ARFGEF3: variants seen among roughly 807,000 people sequenced by gnomAD.
The protein encoded by ARFGEF3 is brefeldin A-inhibited guanine nucleotide-exchange protein 3.
A neutral mutation model predicts 221.7 loss-of-function variants in ARFGEF3; 96 were observed. The observed-to-expected ratio is 0.43, with a 90% CI of 0.37 to 0.51. The LOEUF (loss-of-function observed/expected upper bound fraction) is 0.51. Among genes scored for constraint, ARFGEF3 ranks in the 20% least tolerant of loss-of-function variants. The pLI, the probability that ARFGEF3 is intolerant of heterozygous loss-of-function variation, is 0.00. For missense variants in ARFGEF3, 2,410 were observed against 2,789.9 expected (o/e 0.86, Z 3.07); for synonymous variants, 1,145 against 1,126.8 (o/e 1.02, Z -0.32).
chr6:138,220,373 A>G (rs1777962024), intron 4 of ARFGEF3, among the ~76,000 whole-genome samples: 1 of 152,190 alleles, frequency 6.6e-6, no homozygotes, highest in Non-Finnish European at 1.5e-5. Context: ...ATATATATGT[A>G]GTCCTTTAAG....
chr6:138,215,841 G>GGTGTGTGTGTGT, intron 4 of ARFGEF3: 1 of 121,202 alleles, frequency 8.3e-6, no homozygotes, highest in South Asian at 3.2e-4. Context: ...TAATCGGTCT[G>GGTGTGTGTGTGT]GTGTGTGTGT....
chr6:138,309,836 G>T (rs1289772026), intron 24 of ARFGEF3, among the ~76,000 whole-genome samples: 1 of 152,168 alleles, frequency 6.6e-6, no homozygotes, highest in African/African-American at 2.4e-5. Context: ...TCTGCCTTTT[G>T]TTCTCCTGGG....
At chr6:138,187,170 C>T in intron 2 of ARFGEF3, among the ~76,000 whole-genome samples, 1 of 152,196 alleles carries the variant, frequency 6.6e-6, no homozygotes, top group East Asian at 1.9e-4. Flanking sequence ...CTGCCTCGGC[C>T]TCCCAAAATG....
intron 6 of ARFGEF3, 101 bp from the exon 7 acceptor site, chr6:138,242,851 C>A: frequency 1.0e-6 from 1 of 978,608 alleles, no homozygotes; most frequent in South Asian, 1.4e-5. Flanking sequence ...GCCCAGGGCA[C>A]CCCGGAAGCC....
At chr6:138,268,965 A>T (rs1376085673) in intron 12 of ARFGEF3, among the ~76,000 whole-genome samples, 1 of 152,250 alleles carries the variant, frequency 6.6e-6, no homozygotes, top group Non-Finnish European at 1.5e-5. Context: ...CAGGGAGAAC[A>T]CTTGGTCTCT....
At chr6:138,273,048 G>A (rs1197442541) in intron 12 of ARFGEF3, among the ~76,000 whole-genome samples, 1 of 152,078 alleles carries the variant, frequency 6.6e-6, no homozygotes, top group Non-Finnish European at 1.5e-5. Context: ...GAATGAAACA[G>A]ACCCAGAAGT....
intron 14 of ARFGEF3, among the ~76,000 whole-genome samples, chr6:138,284,752 T>G (rs893434421): frequency 4.6e-5 from 7 of 152,234 alleles, no homozygotes; most frequent in African/African-American, 1.7e-4. Context: ...TTACCTACTT[T>G]AAACATGGTC....
Position 138,336,544 on chromosome 6 carries a change from A to G in ARFGEF3, c.*58A>G. On this transcript the variant is annotated 3_prime_UTR_variant, in exon 34 of 34. Coordinates refer to ENST00000251691, the MANE Select transcript of ARFGEF3 (RefSeq NM_020340.5). ...AGTAGTGAGGGTTAGAGTCCTGCCA[A>G]TACAGCTGTTGCATTTTCCCCACCA... is the stretch of plus-strand genomic sequence containing the variant. 7.1e-7 allele frequency: 1 copy of G among 1,406,258 alleles called. No individual in the cohort carries two copies. Among genetic ancestry groups the G allele is most frequent in the Non-Finnish European group, 9.7e-7 (1 of 1,030,602 alleles). 87.1% of individuals were successfully genotyped at this position (1,406,258 alleles called of 1,614,324 possible). A position where few individuals can be genotyped will look rare whatever the true frequency, so the allele number is the denominator to read the frequency against.
intron 28 of ARFGEF3, 38 bp from the exon 29 acceptor site, chr6:138,321,073 A>C: frequency 1.6e-4 from 190 of 1,210,026 alleles, no homozygotes; most frequent in Non-Finnish European, 2.0e-4. Flanking sequence ...CCTTTACACT[A>C]GAGCTGTGTG....
rs377346467 is a variant in ARFGEF3, at chr6:138,278,962, C to T, written c.2295+345C>T. Among the ~76,000 whole-genome samples, 79 of 152,174 alleles carry T rather than the reference C, an allele frequency of 5.2e-4. 2 individuals carry two copies. The South Asian group carries it at 0.014, about 28-fold the overall frequency. ...AACCTGTTCAAAACCACATCATTGACGTGTTAAGGGAGATCAGAAGATGTG... is the reference window on the plus strand; with the variant it reads ...AACCTGTTCAAAACCACATCATTGATGTGTTAAGGGAGATCAGAAGATGTG... On this transcript the variant is annotated intron_variant, in intron 13 of 33. Transcript: ENST00000251691.
rs1780365112 is a variant in ARFGEF3, at chr6:138,338,160, C to A, written c.*1674C>A. 6.6e-6 allele frequency: 1 copy of A among 152,174 alleles called. No individual in the cohort carries two copies. Among genetic ancestry groups the A allele is most frequent in the Non-Finnish European group, 1.5e-5 (1 of 68,038 alleles). The allele number at this position is 152,174 out of a possible 1,614,324, so 9.4% of individuals were successfully genotyped here. Reference sequence around the variant, plus strand: ...TTGCCTTCAGTTTTTACTCACTAGACAATAATTCAAGTTTAGAAACAGGTA... The same window carrying A: ...TTGCCTTCAGTTTTTACTCACTAGAAAATAATTCAAGTTTAGAAACAGGTA... On this transcript the variant is annotated 3_prime_UTR_variant, in exon 34 of 34. Transcript: ENST00000251691.
chr6:138,303,425 A>C (rs1779661351), intron 22 of ARFGEF3, among the ~76,000 whole-genome samples: 1 of 152,236 alleles, frequency 6.6e-6, no homozygotes, highest in African/African-American at 2.4e-5. Context: ...TGCACTAATG[A>C]AAGGATGGTC....
intron 8 of ARFGEF3, 43 bp from the exon 9 acceptor site, chr6:138,253,837 C>T: frequency 1.4e-6 from 2 of 1,473,676 alleles, no homozygotes; most frequent in Non-Finnish European, 1.9e-6. Context: ...TTAATTTTGC[C>T]TTGTCTTTTG....
At chr6:138,336,268 CTGA>C in intron 33 of ARFGEF3, 24 bp from the exon 34 acceptor site, 1 of 1,471,018 alleles carries the variant, frequency 6.8e-7, no homozygotes, top group Non-Finnish European at 9.1e-7. Context: ...GGGAAAGCCA[CTGA>C]TTTTCTTAAA....
chr6:138,198,600 G>A (rs1309139161), intron 2 of ARFGEF3, among the ~76,000 whole-genome samples: 2 of 152,148 alleles, frequency 1.3e-5, no homozygotes, highest in African/African-American at 4.8e-5. Context: ...CCACAGTGAG[G>A]GTAGAAACCT....
chr6:138,269,867 C>A (rs1406770632), intron 12 of ARFGEF3, among the ~76,000 whole-genome samples: 1 of 152,074 alleles, frequency 6.6e-6, no homozygotes, highest in Non-Finnish European at 1.5e-5. Context: ...CATTTCCTTT[C>A]CTCTAAATTG....
chr6:138,166,391 A>G (rs1347885572), intron 1 of ARFGEF3, among the ~76,000 whole-genome samples: 1 of 152,258 alleles, frequency 6.6e-6, no homozygotes, highest in African/African-American at 2.4e-5. Context: ...GCAAAAGGTC[A>G]TACCGCATAT....
intron 14 of ARFGEF3, among the ~76,000 whole-genome samples, chr6:138,281,332 A>G (rs1387955445): frequency 6.6e-6 from 1 of 152,152 alleles, no homozygotes; most frequent in Non-Finnish European, 1.5e-5. Context: ...TTCAACTATT[A>G]CTTTAGACTA....
At chr6:138,308,659 G>A (rs1288972242) in intron 23 of ARFGEF3, 80 bp from the exon 24 acceptor site, 12 of 1,467,624 alleles carry the variant, frequency 8.2e-6, no homozygotes, top group African/African-American at 2.8e-5. Flanking sequence ...TCAGTGGAAC[G>A]TGCTGGGAAT....
Sources: gnomAD v4.1 joint callset for allele counts (sites outside exome capture counted in the v4.1 genomes callset) on GRCh38, gnomAD v4.1.1 for gene constraint, MANE v1.5 for transcripts, NCBI Gene and HGNC (gene_info 2026-07-23, HGNC 2026-07-21) for gene names.